The following PCLO variants were observed in gnomAD, a reference collection of about 807,000 sequenced individuals.
The protein encoded by PCLO is protein piccolo.
Under a neutral mutation model 427.5 loss-of-function variants are expected in PCLO, and 82 were observed. The observed-to-expected ratio is 0.19, with a 90% CI of 0.16 to 0.23. The LOEUF (loss-of-function observed/expected upper bound fraction) is 0.23, where lower values mean the gene tolerates loss of function less well. PCLO is among the 10% of genes least tolerant of loss of function. The pLI is 1.00. For synonymous variants in PCLO, 2,357 were observed against 2,155.4 expected (o/e 1.09, Z -2.59); for missense variants, 6,239 against 6,115.9 (o/e 1.02, Z -0.67).
intron 2 of PCLO, among the ~76,000 whole-genome samples, chr7:83,151,381 T>A (rs1347224428): frequency 6.6e-6 from 1 of 152,050 alleles, no homozygotes; most frequent in African/African-American, 2.4e-5. Context: ...TTGCCATATA[T>A]TGCAACTTTA....
chr7:82,786,821 A>T (rs1790994921), intron 22 of PCLO, among the ~76,000 whole-genome samples: 1 of 151,746 alleles, frequency 6.6e-6, no homozygotes, highest in Admixed American at 6.6e-5. Context: ...TCTCCCACTT[A>T]TGAGTGAGAA....
chr7:83,092,112 T>A (rs1213809002), intron 3 of PCLO, among the ~76,000 whole-genome samples: 1 of 152,176 alleles, frequency 6.6e-6, no homozygotes, highest in East Asian at 1.9e-4. Context: ...GAAACTCCAA[T>A]GGAGCATGAG....
At chr7:82,866,864 C>T (rs1002626604) in intron 10 of PCLO, among the ~76,000 whole-genome samples, 1 of 151,984 alleles carries the variant, frequency 6.6e-6, no homozygotes, top group African/African-American at 2.4e-5. Flanking sequence ...CTGTATAGTT[C>T]CTGGACAGTG....
chr7:82,884,917 A>C (rs1793595228), intron 9 of PCLO, among the ~76,000 whole-genome samples: 1 of 152,128 alleles, frequency 6.6e-6, no homozygotes. Flanking sequence ...AATAAATGTC[A>C]GTTTTCCTTA....
At chr7:82,927,601 T>C (rs556751193) in intron 6 of PCLO, among the ~76,000 whole-genome samples, 2 of 152,290 alleles carry the variant, frequency 1.3e-5, no homozygotes, top group South Asian at 4.1e-4. Flanking sequence ...TGCCAGGATT[T>C]CAAGGATCGG....
rs371856428 is a variant in PCLO, at chr7:82,760,711, G to A, written c.15216C>T (p.Cys5072=). The change falls in exon 24 of 25, where the codon TGC becomes TGT. Residue 5072 remains cysteine, a synonymous_variant. Transcript: ENST00000333891. The stretch of plus-strand genomic sequence containing the variant: ...TAAACGAAGGCTCTCGATCATGTCT[G>A]CATACTCTTGTTTTTTTCTTGATCA... ...KKVIKKKTRV[C]RHDREPSFNE... is the part of the protein sequence containing the mutation. 5.7e-6 allele frequency: 9 copies of A among 1,589,742 alleles called. No individual in the cohort carries two copies. The highest frequency in any genetic ancestry group is 4.3e-6 in the Non-Finnish European group (5 of 1,161,144).
At chr7:83,136,520 G>C (rs1171030097) in intron 2 of PCLO, among the ~76,000 whole-genome samples, 1 of 151,932 alleles carries the variant, frequency 6.6e-6, no homozygotes, top group Non-Finnish European at 1.5e-5. Flanking sequence ...CCCCCTCCCA[G>C]GTGACATTCA....
At chr7:83,069,799 C>CACACACACACACACA (rs1554390633) in intron 3 of PCLO, among the ~76,000 whole-genome samples, 101 of 75,514 alleles carry the variant, frequency 1.3e-3, no homozygotes, top group African/African-American at 5.5e-3. Flanking sequence ...ACCCCCCCGC[C>CACACACACACACACA]CACACACACA....
At chr7:82,833,411 G>A (rs1792146282) in intron 16 of PCLO, among the ~76,000 whole-genome samples, 2 of 152,234 alleles carry the variant, frequency 1.3e-5, no homozygotes, top group Non-Finnish European at 2.9e-5. Context: ...GAAGTATTGA[G>A]TTCACGCACG....
intron 6 of PCLO, 49 bp downstream of exon 6, chr7:82,949,427 T>A: frequency 2.9e-6 from 4 of 1,386,922 alleles, no homozygotes; most frequent in Non-Finnish European, 3.9e-6. Flanking sequence ...TGAAAACACA[T>A]GATTAATAAC....
chr7:83,141,891 C>A (rs2116639499), intron 2 of PCLO, among the ~76,000 whole-genome samples: 1 of 152,162 alleles, frequency 6.6e-6, no homozygotes, highest in African/African-American at 2.4e-5. Flanking sequence ...AGTGTATCTT[C>A]AATAATGACT....
intron 3 of PCLO, among the ~76,000 whole-genome samples, chr7:83,016,721 G>A (rs17157035): frequency 4.6e-5 from 7 of 152,076 alleles, no homozygotes; most frequent in Admixed American, 4.6e-4. Context: ...CATGGGAAAA[G>A]TAAATATTAT....
At chr7:82,863,653 G>T (rs780880019) in intron 10 of PCLO, among the ~76,000 whole-genome samples, 1 of 151,928 alleles carries the variant, frequency 6.6e-6, no homozygotes, top group Non-Finnish European at 1.5e-5. Flanking sequence ...CAGTTTAACA[G>T]CAATTTCTGC....
chr7:83,065,757 C>A (rs1789655066), intron 3 of PCLO, among the ~76,000 whole-genome samples: 1 of 152,016 alleles, frequency 6.6e-6, no homozygotes, highest in South Asian at 2.1e-4. Flanking sequence ...TTTCATTTGT[C>A]TTTCCTGTGC....
At chr7:83,086,058 G>C (rs1227677838) in intron 3 of PCLO, among the ~76,000 whole-genome samples, 1 of 152,030 alleles carries the variant, frequency 6.6e-6, no homozygotes, top group Non-Finnish European at 1.5e-5. Flanking sequence ...GTGTCAAGGC[G>C]CACTGAATCT....
intron 3 of PCLO, among the ~76,000 whole-genome samples, chr7:83,026,868 C>T (rs946160002): frequency 6.9e-6 from 1 of 145,190 alleles, no homozygotes; most frequent in African/African-American, 2.5e-5. Context: ...GGGTACATAA[C>T]GAAATGAAGG....
Position 82,754,115 on chromosome 7 carries a change from A to T in PCLO, c.*4460T>A, listed in dbSNP as rs1204865791. ...TCTTGTATACAATCACAAAACCAAGACATATTTTTACATAGAGTAAAACTC... is the reference window on the plus strand; with the variant it reads ...TCTTGTATACAATCACAAAACCAAGTCATATTTTTACATAGAGTAAAACTC... On this transcript the variant is annotated 3_prime_UTR_variant, in exon 25 of 25. Coordinates refer to ENST00000333891, the MANE Select transcript of PCLO (RefSeq NM_033026.6). 1 of 152,120 alleles carries T rather than the reference A, an allele frequency of 6.6e-6. No individual in the cohort carries two copies. The highest frequency in any genetic ancestry group is 6.6e-5 in the Admixed American group (1 of 15,252). The allele number at this position is 152,120 out of a possible 1,614,324, so 9.4% of individuals were successfully genotyped here. A position where few individuals can be genotyped will look rare whatever the true frequency, so the allele number is the denominator to read the frequency against.
At chr7:82,909,458 C>T (rs759188046) in intron 7 of PCLO, among the ~76,000 whole-genome samples, 27 of 151,980 alleles carry the variant, frequency 1.8e-4, no homozygotes, top group Non-Finnish European at 3.4e-4. Flanking sequence ...ATGGGTGCAG[C>T]AAACCACTAT....
intron 3 of PCLO, among the ~76,000 whole-genome samples, chr7:82,974,999 G>C (rs1249616987): frequency 6.6e-6 from 1 of 151,928 alleles, no homozygotes; most frequent in African/African-American, 2.4e-5. Flanking sequence ...GGATTGTCTC[G>C]ATCTCCTGAC....
Sources: allele counts gnomAD v4.1 joint callset (sites outside exome capture counted in the v4.1 genomes callset), GRCh38; gene constraint gnomAD v4.1.1; transcripts MANE v1.5; gene names NCBI Gene and HGNC (gene_info 2026-07-23, HGNC 2026-07-21).